The following CMYA5 variants were observed in gnomAD, a reference collection of about 807,000 sequenced individuals.
The protein encoded by CMYA5 is cardiomyopathy associated 5.
Under a neutral mutation model 318.9 loss-of-function variants are expected in CMYA5, and 246 were observed. The ratio of observed to expected loss-of-function variants is 0.77; its 90% CI spans 0.70 to 0.86. CMYA5 has a LOEUF of 0.86. Among genes scored for constraint, CMYA5 ranks in the 40% least tolerant of loss-of-function variants. CMYA5 has a pLI of 0.00. For missense variants in CMYA5, 4,589 were observed against 4,678.2 expected (o/e 0.98, Z 0.56); for synonymous variants, 1,641 against 1,729.5 (o/e 0.95, Z 1.27).
In CMYA5 at chr5:79,738,894, G is replaced by A. The variant is rs1301522024; in HGVS notation, c.10129G>A (p.Val3377Met). 6.2e-7 allele frequency: 1 copy of A among 1,613,930 alleles called. No individual in the cohort carries two copies. Among genetic ancestry groups the A allele is most frequent in the Admixed American group, 1.7e-5 (1 of 59,996 alleles). Residue 3377 changes from valine to methionine, a missense_variant, in exon 2 of 13, where the codon GTG becomes ATG. By Grantham distance (21) the Val-to-Met change is conservative. Around this residue, in one of 3 missense-constraint regions of CMYA5, gnomAD observed 2,431 missense variants for 2,495.1 expected, o/e 0.97. Coordinates refer to ENST00000446378, the MANE Select transcript of CMYA5 (RefSeq NM_153610.5). ...GGTCAATCTGAATGTCCCAGTACAA[G>A]TGTCCTTCCCGGAGGAAGAATTTGC... ...PEVNLNVPVQ[V>M]SFPEEEFASG...
intron 1 of CMYA5, among the ~76,000 whole-genome samples, chr5:79,719,963 T>G (rs1827589621): frequency 6.6e-6 from 1 of 152,202 alleles, no homozygotes; most frequent in African/African-American, 2.4e-5. Flanking sequence ...CACATTTGAT[T>G]AGTAAACAGT....
intron 10 of CMYA5, among the ~76,000 whole-genome samples, chr5:79,790,088 C>T (rs1418656791): frequency 2.6e-5 from 4 of 152,282 alleles, no homozygotes; most frequent in East Asian, 1.9e-4. Context: ...GCGCAACAAG[C>T]GATCGGCTTA....
At chr5:79,788,844 T>G in intron 9 of CMYA5, 127 bp from the exon 10 acceptor site, 1 of 916,232 alleles carries the variant, frequency 1.1e-6, no homozygotes, top group Middle Eastern at 3.4e-4. Flanking sequence ...AATCCAGTGG[T>G]CATAAAAGGG....
At position 79,763,238 on chromosome 5, in the gene CMYA5, G is replaced by T. The variant is rs997170020; in HGVS notation, c.11555+29G>T. The T allele has an allele frequency of 3.2e-6, 5 of 1,547,578 alleles. No individual in the cohort carries two copies. The African/African-American group carries it at 5.5e-5, about 17-fold the overall frequency. On this transcript the variant is annotated intron_variant, in intron 9 of 12. Transcript: ENST00000446378. ...AGGGGCCCTCTCCATGGGAGAGACTGCCCAGAGCCCAGTAACCAAGCTCTG... is the reference window on the plus strand; with the variant it reads ...AGGGGCCCTCTCCATGGGAGAGACTTCCCAGAGCCCAGTAACCAAGCTCTG...
At chr5:79,792,171 T>C (rs1829192357) in intron 11 of CMYA5, among the ~76,000 whole-genome samples, 1 of 152,208 alleles carries the variant, frequency 6.6e-6, no homozygotes, top group Non-Finnish European at 1.5e-5. Context: ...CTTACCTGTG[T>C]AAAAGAACAG....
chr5:79,698,089 A>T (rs988092704), intron 1 of CMYA5, among the ~76,000 whole-genome samples: 1 of 152,122 alleles, frequency 6.6e-6, no homozygotes, highest in East Asian at 1.9e-4. Flanking sequence ...TAAAATTCAG[A>T]TCCTCTGTTT....
At chr5:79,786,962 A>C (rs1829092892) in intron 9 of CMYA5, among the ~76,000 whole-genome samples, 1 of 152,236 alleles carries the variant, frequency 6.6e-6, no homozygotes. Flanking sequence ...CACTGAAAGC[A>C]GGACGGATCC....
intron 6 of CMYA5, among the ~76,000 whole-genome samples, chr5:79,755,592 C>A (rs1307425994): frequency 6.6e-6 from 1 of 152,090 alleles, no homozygotes; most frequent in Non-Finnish European, 1.5e-5. Flanking sequence ...CGGCCAGCAT[C>A]ATACTTATTC....
intron 9 of CMYA5, among the ~76,000 whole-genome samples, chr5:79,766,391 C>T (rs1045984523): frequency 7.9e-5 from 12 of 152,250 alleles, no homozygotes; most frequent in East Asian, 3.9e-4. Flanking sequence ...TGAGTCACCG[C>T]GCCTGGCGCT....
In CMYA5 at chr5:79,734,895, C is replaced by T; in HGVS notation, c.6130C>T (p.Pro2044Ser). 2 of 1,613,804 alleles carry T rather than the reference C, an allele frequency of 1.2e-6. No individual in the cohort carries two copies. Among genetic ancestry groups the T allele is most frequent in the Middle Eastern group, 1.6e-4 (1 of 6,062 alleles). ...EDSQEKIKLP[P>S]ERFFQKPVSG... ...TAGCCAGGAAAAAATTAAACTACCT[C>T]CTGAAAGATTCTTCCAGAAACCAGT... Residue 2044 changes from proline to serine, a missense_variant, in exon 2 of 13, where the codon CCT (proline) becomes TCT (serine). This residue lies in a region of CMYA5 where 2,431 missense variants were observed against 2,495.1 expected (regional missense o/e 0.97). Coordinates refer to ENST00000446378, the MANE Select transcript of CMYA5 (RefSeq NM_153610.5).
chr5:79,751,519 G>A (rs996465774), intron 5 of CMYA5, among the ~76,000 whole-genome samples: 9 of 152,144 alleles, frequency 5.9e-5, no homozygotes, highest in African/African-American at 2.2e-4. Context: ...AGTAGTAAGT[G>A]TAGAAGTCAC....
At chr5:79,788,497 C>A (rs1408154281) in intron 9 of CMYA5, among the ~76,000 whole-genome samples, 2 of 135,708 alleles carry the variant, frequency 1.5e-5, no homozygotes, top group Non-Finnish European at 3.2e-5. Context: ...AATTAGAATT[C>A]TCTTTTCTTG....
intron 1 of CMYA5, among the ~76,000 whole-genome samples, chr5:79,718,401 A>G (rs1038955213): frequency 5.9e-5 from 9 of 152,176 alleles, no homozygotes; most frequent in Admixed American, 1.3e-4. Context: ...CTTAAAATAT[A>G]TCTTTCAAAG....
Position 79,730,956 on chromosome 5 carries a change from A to AT in CMYA5, c.2193dup (p.Pro732SerfsTer20). On this transcript the variant is annotated frameshift_variant, in exon 2 of 13. Coordinates refer to ENST00000446378, the MANE Select transcript of CMYA5 (RefSeq NM_153610.5). LOFTEE classifies it high-confidence loss of function. ...ATTGAAAGGTGTTTCTGAGTACATG[A>AT]TTCCATCAGAAGAGAAGGAAGACAC... 6.2e-7 allele frequency: 1 copy of AT among 1,613,920 alleles called. No individual in the cohort carries two copies. The highest frequency in any genetic ancestry group is 8.5e-7 in the Non-Finnish European group (1 of 1,179,860).
rs577820237 is a variant in CMYA5, at chr5:79,719,531, C to CA, written c.150-9378dup. ...AGCTGGTTTATACTAATACAACTCACAAAAAACACATTTAGAAAAATATGT... is the reference window on the plus strand; with the variant it reads ...AGCTGGTTTATACTAATACAACTCACAAAAAAACACATTTAGAAAAATATGT... On this transcript the variant is annotated intron_variant, in intron 1 of 12. Transcript: ENST00000446378. 1.8e-3 allele frequency among the ~76,000 whole-genome samples: 280 copies of CA among 152,214 alleles called. 1 individual carries two copies. The highest frequency in any genetic ancestry group is 6.5e-3 in the African/African-American group (269 of 41,540).
At chr5:79,791,198 A>G (rs1488759235) in intron 11 of CMYA5, 129 bp downstream of exon 11, 1 of 646,486 alleles carries the variant, frequency 1.5e-6, no homozygotes, top group African/African-American at 1.8e-5. Context: ...GGTCTCAAAT[A>G]TCAATGTGTG....
chr5:79,758,957 G>A (rs772175301), intron 7 of CMYA5, 55 bp downstream of exon 7: 1 of 1,409,808 alleles, frequency 7.1e-7, no homozygotes, highest in Non-Finnish European at 9.5e-7. Context: ...ATCTTCATGT[G>A]AAGTATTTAA....
chr5:79,758,152 C>G (rs914459946), intron 6 of CMYA5, among the ~76,000 whole-genome samples: 1 of 150,434 alleles, frequency 6.6e-6, no homozygotes, highest in Admixed American at 6.6e-5. Flanking sequence ...ATTGCTTGAA[C>G]CCGGGAGGCG....
At position 79,729,728 on chromosome 5, in the gene CMYA5, A is replaced by G; in HGVS notation, c.963A>G (p.Glu321=). 3 of 1,613,958 alleles carry G rather than the reference A, an allele frequency of 1.9e-6. No homozygotes were observed. The highest frequency in any genetic ancestry group is 2.5e-6 in the Non-Finnish European group (3 of 1,179,872). ...CCCTAACCTTAATGTTCAGTCATGAAGATCAAAAGAAAATTTATGCTGATT... is the reference window on the plus strand; with the variant it reads ...CCCTAACCTTAATGTTCAGTCATGAGGATCAAAAGAAAATTTATGCTGATT... The part of the protein sequence containing the change: ...SESLTLMFSH[E]DQKKIYADSP... Residue 321 remains glutamate, a synonymous_variant, in exon 2 of 13, where the codon GAA becomes GAG. Transcript: ENST00000446378.
Sources: gnomAD v4.1 joint callset for allele counts (sites outside exome capture counted in the v4.1 genomes callset) on GRCh38, gnomAD v4.1.1 for gene constraint, gnomAD v4.1.1 regional missense constraint, MANE v1.5 for transcripts, NCBI Gene and HGNC (gene_info 2026-07-23, HGNC 2026-07-21) for gene names.